ATR: variants seen among roughly 807,000 people sequenced by gnomAD.
The protein encoded by ATR is ATR checkpoint kinase.
In ATR, 142 loss-of-function variants were observed where a neutral mutation model predicts 305.3. The ratio of observed to expected loss-of-function variants is 0.47; its 90% CI spans 0.41 to 0.53. The LOEUF (loss-of-function observed/expected upper bound fraction) is 0.53. Ranked by LOEUF, ATR falls within the 20% of genes least tolerant of loss-of-function variation. The pLI is 0.00. For synonymous variants in ATR, 1,050 were observed against 1,068.1 expected (o/e 0.98, Z 0.33); for missense variants, 2,135 against 3,133.1 (o/e 0.68, Z 7.60).
At chr3:142,495,783 A>C (rs1464508549) in intron 34 of ATR, among the ~76,000 whole-genome samples, 2 of 151,950 alleles carry the variant, frequency 1.3e-5, no homozygotes, top group Non-Finnish European at 2.9e-5. Context: ...ATAAAAAATA[A>C]ATCTGGGTCA....
At chr3:142,566,034 T>A (rs2035059892) in intron 3 of ATR, 87 bp downstream of exon 3, 2 of 1,573,028 alleles carry the variant, frequency 1.3e-6, no homozygotes, top group South Asian at 1.1e-5. Context: ...AAAAGTATAA[T>A]CCTGTACATG....
At chr3:142,477,858 A>G (rs1474612067) in intron 36 of ATR, among the ~76,000 whole-genome samples, 2 of 152,190 alleles carry the variant, frequency 1.3e-5, no homozygotes, top group African/African-American at 4.8e-5. Flanking sequence ...CATTTCTTCT[A>G]GATTTTCTAG....
chr3:142,509,288 C>T (rs1032618397), intron 27 of ATR, among the ~76,000 whole-genome samples: 1 of 152,022 alleles, frequency 6.6e-6, no homozygotes, highest in Non-Finnish European at 1.5e-5. Context: ...CTCAGCCTCC[C>T]GAGTAGCTGG....
chr3:142,547,990 A>G lies in ATR; in HGVS notation c.3172-80T>C, dbSNP rs2034336572. On this transcript the variant is annotated intron_variant, in intron 15 of 46. Coordinates refer to ENST00000350721, the MANE Select transcript of ATR (RefSeq NM_001184.4). ...ATAAGTATACTGATTTTAACATGCT[A>G]TTAGTACATCAGGAGCTCTAGCCCA... 2.4e-6 allele frequency: 3 copies of G among 1,249,990 alleles called. No individual in the cohort carries two copies. The South Asian group carries it at 3.8e-5, about 16-fold the overall frequency. 77.4% of individuals were successfully genotyped at this position (1,249,990 alleles called of 1,614,324 possible).
intron 18 of ATR, 113 bp from the exon 19 acceptor site, chr3:142,538,738 G>T: frequency 2.9e-6 from 4 of 1,359,920 alleles, no homozygotes; most frequent in South Asian, 1.3e-5. Context: ...AGATTAAAAG[G>T]CAGCTTTAAA....
chr3:142,560,334 T>G lies in ATR; in HGVS notation c.1470A>C (p.Leu490Phe). Residue 490 changes from leucine to phenylalanine, a missense_variant, in exon 6 of 47, where the codon TTA (leucine) becomes TTC (phenylalanine). Leu to Phe is a conservative substitution (Grantham distance 22). This residue lies in a region of ATR where 744 missense variants were observed against 873.2 expected (regional missense o/e 0.85). Transcript: ENST00000350721. ...GTTGTAAGACAACAGCAATTCCTTC[T>G]AACATCTCAATAACAGGATTCTTTA... Reference protein sequence around the residue: ...SGLKNPVIEMLEGIAVVLQLT... With the variant: ...SGLKNPVIEMFEGIAVVLQLT... The G allele has an allele frequency of 6.2e-7, 1 of 1,613,902 alleles. No individual in the cohort carries two copies. The highest frequency in any genetic ancestry group is 1.3e-5 in the African/African-American group (1 of 75,018).
At chr3:142,541,201 G>A (rs1559977690) in intron 17 of ATR, among the ~76,000 whole-genome samples, 167 bp from the exon 18 acceptor site, 1 of 152,132 alleles carries the variant, frequency 6.6e-6, no homozygotes, top group East Asian at 1.9e-4. Context: ...AATTGCTTAT[G>A]TCTTATGTGG....
At chr3:142,549,727 T>C (rs2034406595) in intron 14 of ATR, 54 bp from the exon 15 acceptor site, 4 of 1,538,092 alleles carry the variant, frequency 2.6e-6, no homozygotes, top group Admixed American at 3.4e-5. Context: ...GTGAAAAAAA[T>C]ATTCACATAA....
intron 1 of ATR, among the ~76,000 whole-genome samples, chr3:142,576,889 TAGAACACTA>T (rs2035457634): frequency 1.8e-5 from 2 of 110,294 alleles, no homozygotes; most frequent in Admixed American, 1.7e-4. Flanking sequence ...GCCCATAAAT[TAGAACACTA>T]ATATCTTTTT....
At chr3:142,523,847 A>C in intron 22 of ATR, 146 bp downstream of exon 22, 1 of 894,236 alleles carries the variant, frequency 1.1e-6, no homozygotes, top group Admixed American at 3.1e-5. Flanking sequence ...TGCAATAGTA[A>C]AAGAAATAAA....
chr3:142,504,797 T>G (rs2032154373), intron 29 of ATR, among the ~76,000 whole-genome samples: 1 of 152,300 alleles, frequency 6.6e-6, no homozygotes, highest in East Asian at 1.9e-4. Context: ...TAGTAAAGTC[T>G]CTAATTTTAT....
intron 36 of ATR, among the ~76,000 whole-genome samples, chr3:142,482,272 A>T (rs2030561779): frequency 6.6e-6 from 1 of 152,218 alleles, no homozygotes; most frequent in African/African-American, 2.4e-5. Context: ...CAGTCAGGGG[A>T]TAAATATGTC....
In ATR at chr3:142,578,280, G is replaced by A. The variant is rs181927915; in HGVS notation, c.59+366C>T. Among the ~76,000 whole-genome samples, 4 of 152,302 alleles carry A rather than the reference G, an allele frequency of 2.6e-5. No homozygotes were observed. The East Asian group carries it at 7.7e-4, about 29-fold the overall frequency. ...CAGAAACTGATGGGTCAAGTCCCTC[G>A]TCTAAGGAAAAAGATTTTCGAGAAG... is the stretch of plus-strand genomic sequence containing the variant. On this transcript the variant is annotated intron_variant, in intron 1 of 46. Transcript: ENST00000350721.
chr3:142,474,867 T>C (rs941262637), intron 36 of ATR, among the ~76,000 whole-genome samples: 2 of 152,162 alleles, frequency 1.3e-5, no homozygotes. Context: ...TTATCATACA[T>C]GGTCTTTACT....
At position 142,469,516 on chromosome 3, in the gene ATR, C is replaced by T. The variant is rs1341655239; in HGVS notation, c.6373G>A (p.Val2125Ile). 1.2e-6 allele frequency: 2 copies of T among 1,613,748 alleles called. No individual in the cohort carries two copies. The highest frequency in any genetic ancestry group is 1.7e-5 in the Admixed American group (1 of 59,946). Residue 2125 changes from valine (V) to isoleucine (I), a missense_variant, in exon 38 of 47, where the codon GTT (valine) becomes ATT (isoleucine). By Grantham distance (29) the Val-to-Ile change is conservative. Transcript: ENST00000350721. Reference sequence around the variant, plus strand: ...AAATAGTTTGTATGCTCTGTGATAACCTTGTTTATTTTACCCAAATCATTC... The same window carrying T: ...AAATAGTTTGTATGCTCTGTGATAATCTTGTTTATTTTACCCAAATCATTC... ...MRNDLGKINK[V>I]ITEHTNYLAP...
chr3:142,452,452 A>G, intron 46 of ATR: 3 of 947,806 alleles, frequency 3.2e-6, no homozygotes, highest in Non-Finnish European at 3.8e-6. Flanking sequence ...AGGTGGGTGG[A>G]TCACTTGAAG....
At chr3:142,542,833 T>TAA in intron 16 of ATR, 76 bp from the exon 17 acceptor site, 3 of 1,175,450 alleles carry the variant, frequency 2.6e-6, no homozygotes, top group Non-Finnish European at 3.7e-6. Flanking sequence ...ATTATTTAAT[T>TAA]AATGTCATTT....
In ATR at chr3:142,566,217, C is replaced by G; in HGVS notation, c.196G>C (p.Val66Leu). The change falls in exon 3 of 47, where the codon GTG becomes CTG. Residue 66 changes from valine to leucine, a missense_variant. Transcript: ENST00000350721. ...VKKTDSQPTS[V>L]MLLDFIQHIM... is the part of the protein sequence containing the mutation. ...TGCTGGATGAAATCAAGCAACATCA[C>G]GGAGGTTGGCTGAGAGTCAGTTTTC... 6.2e-7 allele frequency: 1 copy of G among 1,613,930 alleles called. No homozygotes were observed. Among genetic ancestry groups the G allele is most frequent in the Non-Finnish European group, 8.5e-7 (1 of 1,179,848 alleles).
chr3:142,505,030 C>A, intron 29 of ATR, 109 bp downstream of exon 29: 1 of 1,334,358 alleles, frequency 7.5e-7, no homozygotes, highest in South Asian at 1.2e-5. Flanking sequence ...GCCAACAGAG[C>A]GAGACTCTGT....
Sources: gnomAD v4.1 joint callset for allele counts (sites outside exome capture counted in the v4.1 genomes callset) on GRCh38, gnomAD v4.1.1 for gene constraint, gnomAD v4.1.1 regional missense constraint, MANE v1.5 for transcripts, NCBI Gene and HGNC (gene_info 2026-07-23, HGNC 2026-07-21) for gene names.